The following PEPD variants were observed in gnomAD, a reference collection of about 807,000 sequenced individuals.
The protein encoded by PEPD is peptidase D, also known as xaa-Pro dipeptidase.
In PEPD, 53 loss-of-function variants were observed where a neutral mutation model predicts 60.7. The observed-to-expected ratio is 0.87, with a 90% confidence interval of 0.70 to 1.10. The LOEUF is 1.10. Among genes scored for constraint, PEPD ranks in the 50% least tolerant of loss-of-function variants. The probability of loss-of-function intolerance (pLI) is 0.00; values close to 1 mark genes in which losing one functional copy is unlikely to be tolerated. For missense variants in PEPD, 711 were observed against 711.9 expected (o/e 1.00, Z 0.01); for synonymous variants, 267 against 284.1 (o/e 0.94, Z 0.60).
intron 1 of PEPD, among the ~76,000 whole-genome samples, chr19:33,518,341 C>T (rs1345888193): frequency 2.0e-5 from 3 of 152,164 alleles, no homozygotes; most frequent in Non-Finnish European, 2.9e-5. Context: ...CCGTCCCTAG[C>T]CCCCAGTCGG....
intron 3 of PEPD, among the ~76,000 whole-genome samples, chr19:33,504,782 T>C (rs1035162877): frequency 6.6e-6 from 1 of 150,850 alleles, no homozygotes; most frequent in African/African-American, 2.4e-5. Flanking sequence ...GAAAAAGAAA[T>C]TACTGGACTG....
intron 7 of PEPD, among the ~76,000 whole-genome samples, chr19:33,465,142 A>G (rs983278891): frequency 1.3e-5 from 2 of 152,222 alleles, no homozygotes; most frequent in Admixed American, 6.5e-5. Context: ...CCTGGCACAC[A>G]GTAAGTGCTG....
chr19:33,441,550 C>T (rs1211614621), intron 9 of PEPD, among the ~76,000 whole-genome samples: 1 of 152,248 alleles, frequency 6.6e-6, no homozygotes, highest in African/African-American at 2.4e-5. Flanking sequence ...CCACCCAGTC[C>T]TCCTTCCCCA....
chr19:33,415,682 C>T (rs1470729444), intron 9 of PEPD, among the ~76,000 whole-genome samples: 1 of 152,212 alleles, frequency 6.6e-6, no homozygotes, highest in Non-Finnish European at 1.5e-5. Context: ...TTCAAGAAGG[C>T]ACAGCTCACA....
intron 11 of PEPD, among the ~76,000 whole-genome samples, chr19:33,410,517 A>G (rs562796280): frequency 6.6e-6 from 1 of 152,238 alleles, no homozygotes; most frequent in African/African-American, 2.4e-5. Context: ...GGCTCCCACG[A>G]CTACCTGCTG....
At position 33,505,551 on chromosome 19, in the gene PEPD, C is replaced by T. The variant is rs983194786; in HGVS notation, c.330-4550G>A. Among the ~76,000 whole-genome samples, 5 of 152,052 alleles carry T rather than the reference C, an allele frequency of 3.3e-5. No homozygotes were observed. The East Asian group carries it at 7.7e-4, about 24-fold the overall frequency. On this transcript the variant is annotated intron_variant, in intron 3 of 14. Transcript: ENST00000244137. ...AGGCCTGCACGGCAAAGAGGGCCCC[C>T]GACACCCTGCCAATCACAAGGAGCG...
intron 9 of PEPD, 190 bp downstream of exon 9, chr19:33,462,805 C>A: frequency 1.6e-6 from 1 of 644,758 alleles, no homozygotes. Context: ...ACATCAAACA[C>A]TCTGCCAAGA....
intron 13 of PEPD, 96 bp from the exon 14 acceptor site, chr19:33,388,177 CG>C: frequency 9.5e-7 from 1 of 1,053,292 alleles, no homozygotes; most frequent in Non-Finnish European, 1.4e-6. Context: ...GTGCCAGTCT[CG>C]TGGGCTCTCT....
intron 6 of PEPD, among the ~76,000 whole-genome samples, chr19:33,478,640 T>C (rs1970264321): frequency 6.6e-6 from 1 of 151,722 alleles, no homozygotes; most frequent in South Asian, 2.1e-4. Context: ...TCAAAACCTA[T>C]GGTGGAGAGA....
chr19:33,506,907 A>C (rs1427599598), intron 3 of PEPD, among the ~76,000 whole-genome samples: 1 of 149,828 alleles, frequency 6.7e-6, no homozygotes, highest in Non-Finnish European at 1.5e-5. Context: ...TACACACCAC[A>C]AACACAGCAC....
intron 9 of PEPD, among the ~76,000 whole-genome samples, chr19:33,457,708 C>T (rs930211743): frequency 2.0e-5 from 3 of 152,230 alleles, no homozygotes; most frequent in Admixed American, 1.3e-4. Flanking sequence ...GACGCGGTTT[C>T]ACCGCGTTAG....
rs955857109 is a variant in PEPD, at chr19:33,511,265, G to A, written c.202-110C>T. The A allele has an allele frequency of 3.7e-6, 4 of 1,094,456 alleles. No homozygotes were observed. The African/African-American group carries it at 4.6e-5, about 13-fold the overall frequency. 67.8% of individuals were successfully genotyped at this position (1,094,456 alleles called of 1,614,324 possible). On this transcript the variant is annotated intron_variant, in intron 2 of 14. Coordinates refer to ENST00000244137, the MANE Select transcript of PEPD (RefSeq NM_000285.4). ...AGCCAGCTCAGACCGACAGCCTCCTGTAACTGACCCCAGCCCCAGACATCC... is the reference window on the plus strand; with the variant it reads ...AGCCAGCTCAGACCGACAGCCTCCTATAACTGACCCCAGCCCCAGACATCC...
intron 9 of PEPD, among the ~76,000 whole-genome samples, chr19:33,418,964 T>A (rs1311644985): frequency 6.6e-6 from 1 of 152,132 alleles, no homozygotes; most frequent in Non-Finnish European, 1.5e-5. Flanking sequence ...GGCACCAACA[T>A]GGCAGCGTCA....
intron 12 of PEPD, among the ~76,000 whole-genome samples, chr19:33,391,935 A>C (rs914925968): frequency 3.9e-5 from 6 of 152,224 alleles, no homozygotes; most frequent in Non-Finnish European, 8.8e-5. Flanking sequence ...ACCCTGGCTC[A>C]GAGCTCCGAT....
At chr19:33,480,829 T>TGA (rs1970301251) in intron 6 of PEPD, among the ~76,000 whole-genome samples, 1 of 127,152 alleles carries the variant, frequency 7.9e-6, no homozygotes, top group Non-Finnish European at 1.7e-5. Flanking sequence ...TGTGTGTGTG[T>TGA]GTGTGTGTGT....
intron 9 of PEPD, among the ~76,000 whole-genome samples, chr19:33,426,507 C>T (rs1457385187): frequency 6.6e-6 from 1 of 152,220 alleles, no homozygotes; most frequent in East Asian, 1.9e-4. Flanking sequence ...CTCAGTTCAT[C>T]CTGAGGGTCT....
intron 9 of PEPD, among the ~76,000 whole-genome samples, chr19:33,436,046 G>C (rs1969369177): frequency 6.6e-6 from 1 of 152,254 alleles, no homozygotes; most frequent in Non-Finnish European, 1.5e-5. Flanking sequence ...CCCCCATCTT[G>C]GTTTCAGGGC....
At position 33,411,669 on chromosome 19, in the gene PEPD, T is replaced by C; in HGVS notation, c.818+3A>G. On this transcript the variant is annotated splice_donor_region_variant and intron_variant, in intron 11 of 14. Transcript: ENST00000244137. ...CAGAGCCAGGGCCGCTGGCCCTACT[T>C]ACCACATATCCCCATTCTGGATCGT... The C allele has an allele frequency of 1.9e-6, 3 of 1,581,098 alleles. No homozygotes were observed. Among genetic ancestry groups the C allele is most frequent in the Non-Finnish European group, 2.6e-6 (3 of 1,150,322 alleles).
chr19:33,442,236 T>C (rs1969491525), intron 9 of PEPD, among the ~76,000 whole-genome samples: 1 of 152,064 alleles, frequency 6.6e-6, no homozygotes, highest in African/African-American at 2.4e-5. Context: ...CCATCTCTAC[T>C]AAAAATATGA....
Sources: allele counts gnomAD v4.1 joint callset (sites outside exome capture counted in the v4.1 genomes callset), GRCh38; gene constraint gnomAD v4.1.1; transcripts MANE v1.5; gene names NCBI Gene and HGNC (gene_info 2026-07-23, HGNC 2026-07-21).